PIKFYVE: variants seen among roughly 807,000 people sequenced by gnomAD.
PIKFYVE encodes 1-phosphatidylinositol 3-phosphate 5-kinase.
PIKFYVE carries 122 observed loss-of-function variants against 257.9 expected under a neutral mutation model. The observed-to-expected ratio is 0.47, with a 90% CI of 0.41 to 0.55. The LOEUF is 0.55. Ranked by LOEUF, PIKFYVE falls within the 20% of genes least tolerant of loss-of-function variation. The pLI, the probability that PIKFYVE is intolerant of heterozygous loss-of-function variation, is 0.00. For missense variants in PIKFYVE, 2,160 were observed against 2,536.6 expected (o/e 0.85, Z 3.19); for synonymous variants, 892 against 868.9 (o/e 1.03, Z -0.47).
intron 7 of PIKFYVE, among the ~76,000 whole-genome samples, chr2:208,298,276 A>C (rs1024506260): frequency 6.6e-6 from 1 of 152,186 alleles, no homozygotes; most frequent in African/African-American, 2.4e-5. Context: ...AACTTACAGC[A>C]TTTTAACAAG....
chr2:208,332,208 A>G (rs1250052488), intron 23 of PIKFYVE, among the ~76,000 whole-genome samples: 1 of 152,236 alleles, frequency 6.6e-6, no homozygotes, highest in South Asian at 2.1e-4. Flanking sequence ...AAACAAATAA[A>G]TAAATGTTAT....
chr2:208,358,629 A>G lies in PIKFYVE; in HGVS notation c.*3324A>G, dbSNP rs114476866. 5.3e-3 allele frequency: 812 copies of G among 152,704 alleles called. 4 individuals carry two copies. The highest frequency in any genetic ancestry group is 0.015 in the South Asian group (72 of 4,828). 9.5% of individuals were successfully genotyped at this position (152,704 alleles called of 1,614,324 possible). A position where few individuals can be genotyped will look rare whatever the true frequency, so the allele number is the denominator to read the frequency against. ...CTTAATGTATTGTATATATTTCTCTACTTTGGTTCTAGCTATTTTATATGA... is the reference window on the plus strand; with the variant it reads ...CTTAATGTATTGTATATATTTCTCTGCTTTGGTTCTAGCTATTTTATATGA... On this transcript the variant is annotated 3_prime_UTR_variant, in exon 42 of 42. Transcript: ENST00000264380.
intron 15 of PIKFYVE, among the ~76,000 whole-genome samples, chr2:208,317,518 A>G (rs1695680782): frequency 6.6e-6 from 1 of 152,128 alleles, no homozygotes; most frequent in Admixed American, 6.5e-5. Context: ...AGGGAAGTCA[A>G]AAGATTGGAC....
At chr2:208,288,030 T>C (rs1691815187) in intron 6 of PIKFYVE, among the ~76,000 whole-genome samples, 2 of 152,268 alleles carry the variant, frequency 1.3e-5, no homozygotes, top group African/African-American at 4.8e-5. Flanking sequence ...TTTTTAGTTT[T>C]TGCTTACTTT....
intron 23 of PIKFYVE, among the ~76,000 whole-genome samples, chr2:208,331,876 A>G (rs1697579351): frequency 1.3e-5 from 2 of 152,216 alleles, no homozygotes. Flanking sequence ...TTTAGTTCCT[A>G]TTAGTTAGCT....
Position 208,335,288 on chromosome 2 carries a change from C to G in PIKFYVE, c.4143-18C>G. On this transcript the variant is annotated intron_variant, in intron 24 of 41. Transcript: ENST00000264380. The stretch of plus-strand genomic sequence containing the variant: ...AGCTATTTTTCATTTTCTATTGGTC[C>G]TTGTATTTTCTTCTCAGTTATTCTC... 6.7e-7 allele frequency: 1 copy of G among 1,496,372 alleles called. No homozygotes were observed. The highest frequency in any genetic ancestry group is 9.3e-7 in the Non-Finnish European group (1 of 1,073,220). 92.7% of individuals were successfully genotyped at this position (1,496,372 alleles called of 1,614,324 possible).
At chr2:208,335,940 A>G in intron 26 of PIKFYVE, 39 bp downstream of exon 26, 3 of 1,577,420 alleles carry the variant, frequency 1.9e-6, no homozygotes, top group Non-Finnish European at 2.6e-6. Context: ...AAAGTTAATT[A>G]TTGATTAAAA....
chr2:208,310,395 T>C (rs1377411723), intron 12 of PIKFYVE, among the ~76,000 whole-genome samples: 2 of 152,234 alleles, frequency 1.3e-5, no homozygotes, highest in African/African-American at 4.8e-5. Flanking sequence ...ATACTACTTA[T>C]GCTTTCTGTC....
Position 208,285,630 on chromosome 2 carries a change from G to A in PIKFYVE, c.614-96G>A, listed in dbSNP as rs147157695. The A allele has an allele frequency of 1.7e-5, 17 of 982,210 alleles. No homozygotes were observed. The East Asian group carries it at 4.1e-4, about 24-fold the overall frequency. The allele number at this position is 982,210 out of a possible 1,614,324, so 60.8% of individuals were successfully genotyped here. A position where few individuals can be genotyped will look rare whatever the true frequency, so the allele number is the denominator to read the frequency against. On this transcript the variant is annotated intron_variant, in intron 5 of 41. Transcript: ENST00000264380. ...AGACATTTCCGTTATTAGATGAACTGTTGACCCAAGGAGTTAAAAAAGTTA... is the reference window on the plus strand; with the variant it reads ...AGACATTTCCGTTATTAGATGAACTATTGACCCAAGGAGTTAAAAAAGTTA...
chr2:208,321,231 G>A (rs1333753864), intron 17 of PIKFYVE, among the ~76,000 whole-genome samples: 1 of 152,158 alleles, frequency 6.6e-6, no homozygotes, highest in Non-Finnish European at 1.5e-5. Context: ...TAGGGAATGT[G>A]TATATTATAT....
rs757506694 is a variant in PIKFYVE, at chr2:208,312,229, T to A, written c.1637-7T>A. 1 of 1,606,046 alleles carries A rather than the reference T, an allele frequency of 6.2e-7. No individual in the cohort carries two copies. ...TTCCTCCTCTCTGTTGTCTCCCTGG[T>A]ATGCAGAGTATTTGATTTCTGACAC... is the stretch of plus-strand genomic sequence containing the variant. On this transcript the variant is annotated splice_polypyrimidine_tract_variant and splice_region_variant and intron_variant, in intron 12 of 41. Coordinates refer to ENST00000264380, the MANE Select transcript of PIKFYVE (RefSeq NM_015040.4).
chr2:208,303,541 C>T lies in PIKFYVE; in HGVS notation c.1321-630C>T, dbSNP rs1693976114. Reference sequence around the variant, plus strand: ...AGGAAGAGAAACTATACTTACTATTCATTAAGTGGAAATGGATCATCACAA... The same window carrying T: ...AGGAAGAGAAACTATACTTACTATTTATTAAGTGGAAATGGATCATCACAA... On this transcript the variant is annotated intron_variant, in intron 10 of 41. Coordinates refer to ENST00000264380, the MANE Select transcript of PIKFYVE (RefSeq NM_015040.4). Among the ~76,000 whole-genome samples the T allele has an allele frequency of 2.0e-5, 3 of 152,212 alleles. No homozygotes were observed. In the South Asian group the frequency reaches 6.2e-4, roughly 32 times the overall value.
intron 7 of PIKFYVE, among the ~76,000 whole-genome samples, chr2:208,298,421 A>G (rs1693257051): frequency 6.7e-6 from 1 of 149,318 alleles, no homozygotes; most frequent in Non-Finnish European, 1.5e-5. Context: ...ATTGCAAAAT[A>G]TAGACTTACA....
At chr2:208,303,828 A>G (rs1483866157) in intron 10 of PIKFYVE, among the ~76,000 whole-genome samples, 1 of 152,212 alleles carries the variant, frequency 6.6e-6, no homozygotes, top group Non-Finnish European at 1.5e-5. Context: ...ATTTTGCAAG[A>G]TGTGTTCTGG....
At chr2:208,343,770 A>G (rs748103888) in intron 32 of PIKFYVE, among the ~76,000 whole-genome samples, 1 of 152,016 alleles carries the variant, frequency 6.6e-6, no homozygotes, top group Admixed American at 6.6e-5. Context: ...CAGTTATCAT[A>G]TATCTTAAAG....
chr2:208,314,550 T>G (rs1250707948), intron 14 of PIKFYVE, 127 bp downstream of exon 14: 2 of 1,102,026 alleles, frequency 1.8e-6, no homozygotes, highest in African/African-American at 3.2e-5. Flanking sequence ...AAAAAAATAC[T>G]AAGGTTACTT....
At chr2:208,337,785 G>A (rs537032813) in intron 28 of PIKFYVE, among the ~76,000 whole-genome samples, 5 of 152,106 alleles carry the variant, frequency 3.3e-5, no homozygotes, top group Admixed American at 1.3e-4. Flanking sequence ...GCAGTGGTGC[G>A]ATCGCGGCTC....
In PIKFYVE at chr2:208,350,186, T is replaced by C. The variant is rs1574760538; in HGVS notation, c.5434+103T>C. On this transcript the variant is annotated intron_variant, in intron 36 of 41. Coordinates refer to ENST00000264380, the MANE Select transcript of PIKFYVE (RefSeq NM_015040.4). ...CTTCATACTAAATAAATGTCCCAGTTCTTGAAATGAATATTAAGTCTTTAT... is the reference window on the plus strand; with the variant it reads ...CTTCATACTAAATAAATGTCCCAGTCCTTGAAATGAATATTAAGTCTTTAT... 6.0e-6 allele frequency: 9 copies of C among 1,505,980 alleles called. No individual in the cohort carries two copies. The East Asian group carries it at 2.1e-4, about 35-fold the overall frequency. 93.3% of individuals were successfully genotyped at this position (1,505,980 alleles called of 1,614,324 possible). A position where few individuals can be genotyped will look rare whatever the true frequency, so the allele number is the denominator to read the frequency against.
At chr2:208,344,178 T>A (rs1314740017) in intron 32 of PIKFYVE, among the ~76,000 whole-genome samples, 1 of 152,182 alleles carries the variant, frequency 6.6e-6, no homozygotes, top group Non-Finnish European at 1.5e-5. Flanking sequence ...CTAAGATGTT[T>A]AAAGCAATTT....
Sources: allele counts gnomAD v4.1 joint callset (sites outside exome capture counted in the v4.1 genomes callset), GRCh38; gene constraint gnomAD v4.1.1; transcripts MANE v1.5; gene names NCBI Gene and HGNC (gene_info 2026-07-23, HGNC 2026-07-21).